The following EML6 variants were observed in gnomAD, a reference collection of about 807,000 sequenced individuals.
EML6 encodes EMAP like 6.
A neutral mutation model predicts 240.1 loss-of-function variants in EML6; 154 were observed. The ratio of observed to expected loss-of-function variants is 0.64; its 90% CI spans 0.56 to 0.73. The LOEUF (loss-of-function observed/expected upper bound fraction) is 0.73. Ranked by LOEUF, EML6 falls within the 30% of genes least tolerant of loss-of-function variation. The pLI is 0.00. For synonymous variants in EML6, 1,148 were observed against 899.0 expected (o/e 1.28, Z -4.95); for missense variants, 2,964 against 2,474.6 (o/e 1.20, Z -4.20).
At chr2:54,936,873 A>G (rs1195574935) in intron 28 of EML6, among the ~76,000 whole-genome samples, 1 of 152,122 alleles carries the variant, frequency 6.6e-6, no homozygotes, top group Non-Finnish European at 1.5e-5. Flanking sequence ...CAAAATTCCA[A>G]ACTCACCTAA....
intron 26 of EML6, among the ~76,000 whole-genome samples, chr2:54,921,289 A>G (rs1382543765): frequency 6.6e-6 from 1 of 152,204 alleles, no homozygotes; most frequent in Non-Finnish European, 1.5e-5. Context: ...ATACAATTCA[A>G]TTACATTTTT....
intron 9 of EML6, among the ~76,000 whole-genome samples, chr2:54,848,935 GACA>G (rs1669920462): frequency 6.6e-6 from 1 of 151,984 alleles, no homozygotes; most frequent in African/African-American, 2.4e-5. Flanking sequence ...CTCTTTTTGC[GACA>G]ATAGGTATCA....
intron 30 of EML6, among the ~76,000 whole-genome samples, chr2:54,951,291 G>C (rs902826899): frequency 1.3e-5 from 2 of 152,140 alleles, no homozygotes; most frequent in African/African-American, 4.8e-5. Context: ...CCAGCACTTT[G>C]AGAGGCTGAG....
intron 2 of EML6, among the ~76,000 whole-genome samples, chr2:54,751,219 G>C (rs1329673408): frequency 6.6e-6 from 1 of 152,154 alleles, no homozygotes; most frequent in East Asian, 1.9e-4. Flanking sequence ...AATCATCTGG[G>C]CATGTTAAAT....
intron 29 of EML6, 120 bp downstream of exon 29, chr2:54,949,080 C>T: frequency 1.4e-6 from 1 of 737,320 alleles, no homozygotes; most frequent in South Asian, 1.6e-5. Context: ...CTTGGGCTCT[C>T]TTTTGTCCCC....
At position 54,962,445 on chromosome 2, in the gene EML6, T is replaced by C. The variant is rs1020350331; in HGVS notation, c.4969-78T>C. 9 of 1,104,516 alleles carry C rather than the reference T, an allele frequency of 8.1e-6. No homozygotes were observed. The East Asian group carries it at 2.3e-4, about 29-fold the overall frequency. 68.4% of individuals were successfully genotyped at this position (1,104,516 alleles called of 1,614,324 possible). A position where few individuals can be genotyped will look rare whatever the true frequency, so the allele number is the denominator to read the frequency against. On this transcript the variant is annotated intron_variant, in intron 35 of 41. Transcript: ENST00000356458. The stretch of plus-strand genomic sequence containing the variant: ...CATTCTACTTTCTGTCTCCATGAAT[T>C]TGTCTACTCTAGATACCTCATATGA...
chr2:54,917,044 C>T (rs541985852), intron 26 of EML6, 109 bp downstream of exon 26: 39 of 791,672 alleles, frequency 4.9e-5, no homozygotes, highest in South Asian at 2.6e-4. Flanking sequence ...TTCACATTAT[C>T]GGAGTATTAT....
At chr2:54,871,334 G>T (rs1671245439) in intron 15 of EML6, among the ~76,000 whole-genome samples, 166 bp from the exon 16 acceptor site, 1 of 152,202 alleles carries the variant, frequency 6.6e-6, no homozygotes, top group Admixed American at 6.5e-5. Flanking sequence ...CAGTGCCTCA[G>T]TTTCCTCATC....
chr2:54,949,916 C>T (rs1675889282), intron 29 of EML6, among the ~76,000 whole-genome samples: 3 of 152,232 alleles, frequency 2.0e-5, no homozygotes, highest in Non-Finnish European at 2.9e-5. Flanking sequence ...TTTCCAAGAC[C>T]TTCTCCAGTA....
intron 28 of EML6, among the ~76,000 whole-genome samples, chr2:54,945,535 G>A (rs1394299002): frequency 6.6e-6 from 1 of 152,088 alleles, no homozygotes; most frequent in South Asian, 2.1e-4. Flanking sequence ...GAACGACTTG[G>A]TTTCTCACAG....
chr2:54,966,150 A>T (rs1203926061), intron 38 of EML6, among the ~76,000 whole-genome samples: 1 of 152,258 alleles, frequency 6.6e-6, no homozygotes, highest in Non-Finnish European at 1.5e-5. Flanking sequence ...CAAAATATAA[A>T]TATAATTACA....
chr2:54,771,009 A>G (rs1668380141), intron 2 of EML6, among the ~76,000 whole-genome samples: 1 of 152,152 alleles, frequency 6.6e-6, no homozygotes, highest in Admixed American at 6.5e-5. Flanking sequence ...GGGAAGTGGA[A>G]GGTCAAAGGC....
intron 28 of EML6, among the ~76,000 whole-genome samples, chr2:54,942,608 C>T (rs1323184739): frequency 6.6e-6 from 1 of 152,166 alleles, no homozygotes; most frequent in Non-Finnish European, 1.5e-5. Context: ...CCGACTCCCT[C>T]TCGCTCATTT....
At chr2:54,778,900 A>AAAAAAGAAAG (rs1254448912) in intron 2 of EML6, among the ~76,000 whole-genome samples, 3 of 149,820 alleles carry the variant, frequency 2.0e-5, no homozygotes, top group African/African-American at 7.5e-5. Context: ...TCAAAAAAAA[A>AAAAAAGAAAG]AAAGAAAGAA....
At chr2:54,750,309 C>T (rs1684101016) in intron 2 of EML6, among the ~76,000 whole-genome samples, 1 of 152,202 alleles carries the variant, frequency 6.6e-6, no homozygotes, top group South Asian at 2.1e-4. Flanking sequence ...CCGATGGCTT[C>T]ATAGCTACTT....
At chr2:54,853,558 T>C in intron 10 of EML6, 85 bp from the exon 11 acceptor site, 1 of 908,416 alleles carries the variant, frequency 1.1e-6, no homozygotes, top group Non-Finnish European at 1.6e-6. Flanking sequence ...TTTACAAAAG[T>C]TTTCTTAAAG....
intron 2 of EML6, among the ~76,000 whole-genome samples, chr2:54,754,446 C>A (rs1457268777): frequency 5.9e-5 from 9 of 152,106 alleles, no homozygotes; most frequent in Admixed American, 6.5e-5. Context: ...GTACAAGCAC[C>A]TTTTCATGTG....
At chr2:54,814,450 T>G (rs954504188) in intron 3 of EML6, among the ~76,000 whole-genome samples, 3 of 152,218 alleles carry the variant, frequency 2.0e-5, no homozygotes, top group Admixed American at 2.0e-4. Flanking sequence ...GGGTCATTCC[T>G]GGCTCCGGCT....
chr2:54,880,276 G>C (rs1671746443), intron 17 of EML6: 1 of 152,216 alleles, frequency 6.6e-6, no homozygotes, highest in East Asian at 1.9e-4. Context: ...ACCCTGATCA[G>C]GGGTCAAAAT....
Sources: gnomAD v4.1 joint callset for allele counts (sites outside exome capture counted in the v4.1 genomes callset) on GRCh38, gnomAD v4.1.1 for gene constraint, MANE v1.5 for transcripts, NCBI Gene and HGNC (gene_info 2026-07-23, HGNC 2026-07-21) for gene names.